Variants in PPARGC1A observed in about 807,000 individuals in gnomAD.
PPARGC1A encodes the protein peroxisome proliferator-activated receptor gamma coactivator 1-alpha.
In PPARGC1A, 25 loss-of-function variants were observed where a neutral mutation model predicts 88.7. The observed-to-expected ratio is 0.28, with a 90% CI of 0.21 to 0.39. The LOEUF (loss-of-function observed/expected upper bound fraction) is 0.39, where lower values mean the gene tolerates loss of function less well. PPARGC1A is among the 10% of genes least tolerant of loss of function. The pLI is 1.00. For synonymous variants in PPARGC1A, 363 were observed against 355.6 expected (o/e 1.02, Z -0.24); for missense variants, 880 against 968.7 (o/e 0.91, Z 1.22).
At chr4:24,058,675 T>C in the PPARGC1A span, among the ~76,000 whole-genome samples, 58 of 152,238 alleles carry the variant, frequency 3.8e-4, no homozygotes, top group Admixed American at 3.8e-3. Context: ...GGCTAGGCAG[T>C]GTGGCTCACA....
At chr4:24,464,186 TA>T in the PPARGC1A span, among the ~76,000 whole-genome samples, 2 of 152,200 alleles carry the variant, frequency 1.3e-5, no homozygotes, top group South Asian at 4.1e-4. Flanking sequence ...AAATGTTGTT[TA>T]AAAAAACTAA....
At chr4:24,467,326 G>A in the PPARGC1A span, among the ~76,000 whole-genome samples, 1 of 152,152 alleles carries the variant, frequency 6.6e-6, no homozygotes, top group East Asian at 1.9e-4. Context: ...TTTATTTAAG[G>A]TAAGAACGTA....
the PPARGC1A span, among the ~76,000 whole-genome samples, chr4:24,359,554 C>T: frequency 1.3e-5 from 2 of 152,168 alleles, no homozygotes; most frequent in South Asian, 2.1e-4. Flanking sequence ...ATATTCAAGT[C>T]CTATTCCCTG....
chr4:24,149,155 T>C, the PPARGC1A span, among the ~76,000 whole-genome samples: 1 of 152,180 alleles, frequency 6.6e-6, no homozygotes, highest in Non-Finnish European at 1.5e-5. Context: ...GAAAACTGTA[T>C]GGCAATAAAG....
chr4:24,242,556 C>G, the PPARGC1A span, among the ~76,000 whole-genome samples: 14 of 152,314 alleles, frequency 9.2e-5, no homozygotes, highest in South Asian at 2.9e-3. Flanking sequence ...GTGGCTCTAT[C>G]CTCAGTGCTC....
chr4:23,985,680 T>C, the PPARGC1A span, among the ~76,000 whole-genome samples: 1 of 152,092 alleles, frequency 6.6e-6, no homozygotes, highest in East Asian at 1.9e-4. Flanking sequence ...AAAAACAAAC[T>C]ATAAAATCAC....
At chr4:24,414,239 A>G in the PPARGC1A span, among the ~76,000 whole-genome samples, 1 of 152,204 alleles carries the variant, frequency 6.6e-6, no homozygotes, top group Non-Finnish European at 1.5e-5. Flanking sequence ...GATTTCATGT[A>G]CATTTATCTC....
chr4:24,052,775 G>A, the PPARGC1A span, among the ~76,000 whole-genome samples: 1 of 148,406 alleles, frequency 6.7e-6, no homozygotes, highest in South Asian at 2.1e-4. Flanking sequence ...CTTCCTCTGA[G>A]TTATTTTAGC....
the PPARGC1A span, among the ~76,000 whole-genome samples, chr4:23,950,760 G>A: frequency 6.6e-6 from 1 of 152,094 alleles, no homozygotes; most frequent in East Asian, 1.9e-4. Context: ...TACACTTCAT[G>A]TAAAACATAT....
the PPARGC1A span, among the ~76,000 whole-genome samples, chr4:24,467,338 A>C: frequency 6.6e-6 from 1 of 152,356 alleles, no homozygotes; most frequent in East Asian, 1.9e-4. Context: ...AAGAACGTAG[A>C]AATGCACTTA....
At chr4:24,192,734 A>T in the PPARGC1A span, among the ~76,000 whole-genome samples, 1 of 152,252 alleles carries the variant, frequency 6.6e-6, no homozygotes, top group Non-Finnish European at 1.5e-5. Flanking sequence ...TTTGGGAGAC[A>T]TTAAGAGTAA....
chr4:23,940,794 A>G, the PPARGC1A span, among the ~76,000 whole-genome samples: 1 of 152,122 alleles, frequency 6.6e-6, no homozygotes, highest in Non-Finnish European at 1.5e-5. Flanking sequence ...GTAGGATGCA[A>G]TTCCAATTTG....
the PPARGC1A span, among the ~76,000 whole-genome samples, chr4:24,379,970 G>C: frequency 6.6e-6 from 1 of 151,948 alleles, no homozygotes; most frequent in African/African-American, 2.4e-5. Context: ...TAAAGACAGG[G>C]TTTCACCATG....
the PPARGC1A span, among the ~76,000 whole-genome samples, chr4:24,171,741 A>G: frequency 3.9e-5 from 6 of 152,240 alleles, no homozygotes; most frequent in Non-Finnish European, 7.3e-5. Context: ...TTAATTCATG[A>G]TAGATGTACT....
At chr4:23,943,380 G>GTT in the PPARGC1A span, among the ~76,000 whole-genome samples, 1 of 124,346 alleles carries the variant, frequency 8.0e-6, no homozygotes, top group Non-Finnish European at 1.7e-5. Flanking sequence ...AAATTAAAAG[G>GTT]TTTTTTTTTT....
At chr4:24,294,204 T>C in the PPARGC1A span, among the ~76,000 whole-genome samples, 6 of 152,174 alleles carry the variant, frequency 3.9e-5, no homozygotes, top group African/African-American at 1.4e-4. Flanking sequence ...TAAAACTACC[T>C]ATCCCTGGGG....
At chr4:24,133,190 G>A in the PPARGC1A span, among the ~76,000 whole-genome samples, 1 of 152,068 alleles carries the variant, frequency 6.6e-6, no homozygotes, top group African/African-American at 2.4e-5. Flanking sequence ...TCCCCCCTGG[G>A]GGGTGGTGGT....
chr4:23,834,085 G>C (rs1725557821), intron 2 of PPARGC1A, among the ~76,000 whole-genome samples: 1 of 152,156 alleles, frequency 6.6e-6, no homozygotes, highest in Non-Finnish European at 1.5e-5. Context: ...GGATCACTTG[G>C]TCAGGAGATC....
chr4:23,980,524 C>A, the PPARGC1A span, among the ~76,000 whole-genome samples: 1 of 152,036 alleles, frequency 6.6e-6, no homozygotes, highest in Non-Finnish European at 1.5e-5. Context: ...TAGTTGGAAA[C>A]AAAAGTACCC....
Sources: allele counts gnomAD v4.1 joint callset (sites outside exome capture counted in the v4.1 genomes callset), GRCh38; gene constraint gnomAD v4.1.1; transcripts MANE v1.5; gene names NCBI Gene and HGNC (gene_info 2026-07-23, HGNC 2026-07-21).